The following DNAH14 variants were observed in gnomAD, a reference collection of about 807,000 sequenced individuals.
DNAH14 encodes axonemal beta dynein heavy chain 14.
A neutral mutation model predicts 520.9 loss-of-function variants in DNAH14; 478 were observed. That is an observed-to-expected ratio of 0.92 (90% CI 0.85 to 0.99). DNAH14 has a LOEUF of 0.99. Ranked by LOEUF, DNAH14 falls within the 50% of genes least tolerant of loss-of-function variation. The probability of loss-of-function intolerance (pLI) is 0.00; values close to 1 mark genes in which losing one functional copy is unlikely to be tolerated. For missense variants in DNAH14, 4,831 were observed against 5,234.5 expected (o/e 0.92, Z 2.38); for synonymous variants, 1,581 against 1,757.2 (o/e 0.90, Z 2.51).
In DNAH14 at chr1:225,381,545, CT is replaced by C. The variant is rs867395093; in HGVS notation, c.13047del (p.Asn4351IlefsTer2). On this transcript the variant is annotated frameshift_variant, in exon 81 of 86. Coordinates refer to ENST00000682510, the MANE Select transcript of DNAH14 (RefSeq NM_001367479.1). LOFTEE classifies it high-confidence loss of function. ...CAAGAATTGGAGGAAATATTTAACT[CT>C]TTTCTTAATATGAGAGTGCCTACAT... ...LTQELEEIFN[S>X]FLNMRVPTLW... The C allele has an allele frequency of 2.6e-6, 4 of 1,536,232 alleles. No homozygotes were observed. Among genetic ancestry groups the C allele is most frequent in the Non-Finnish European group, 3.5e-6 (4 of 1,142,790 alleles).
chr1:225,098,550 A>G (rs962892161), intron 22 of DNAH14, among the ~76,000 whole-genome samples: 4 of 152,226 alleles, frequency 2.6e-5, no homozygotes, highest in Admixed American at 1.3e-4. Flanking sequence ...AAGCCGTTAG[A>G]TTACAAAAGG....
chr1:224,977,503 G>A (rs1371766569), intron 8 of DNAH14, among the ~76,000 whole-genome samples: 4 of 152,064 alleles, frequency 2.6e-5, no homozygotes, highest in South Asian at 2.1e-4. Context: ...TAATAAAAAA[G>A]AATGTTCTTA....
Position 225,144,477 on chromosome 1 carries a change from A to G in DNAH14, c.4589A>G (p.Glu1530Gly), listed in dbSNP as rs2079739686. The G allele has an allele frequency of 1.3e-6, 2 of 1,551,682 alleles. No individual in the cohort carries two copies. The highest frequency in any genetic ancestry group is 2.7e-5 in the African/African-American group (2 of 73,166). ...AATGCCAGCTTTACTTATGGCTATG[A>G]GTACTTGGGCTGTACCTCAAGATTG... is the stretch of plus-strand genomic sequence containing the variant. ...QGNASFTYGY[E>G]YLGCTSRLVI... is the part of the protein sequence containing the mutation. Residue 1530 changes from glutamate (E) to glycine (G), a missense_variant, in exon 29 of 86, where the codon GAG becomes GGG. Coordinates refer to ENST00000682510, the MANE Select transcript of DNAH14 (RefSeq NM_001367479.1).
chr1:224,951,654 T>A (rs2125489548), intron 1 of DNAH14, among the ~76,000 whole-genome samples: 1 of 144,864 alleles, frequency 6.9e-6, no homozygotes, highest in African/African-American at 2.6e-5. Flanking sequence ...ATTTTTTTTT[T>A]TTTTTTTTTT....
chr1:225,150,718 G>T (rs2080418340), intron 31 of DNAH14, among the ~76,000 whole-genome samples: 1 of 147,284 alleles, frequency 6.8e-6, no homozygotes, highest in East Asian at 2.0e-4. Context: ...ATGGTTATTT[G>T]TATTTGTTTC....
chr1:225,086,999 C>T (rs1466932119), intron 21 of DNAH14, among the ~76,000 whole-genome samples: 1 of 34,922 alleles, frequency 2.9e-5, no homozygotes. Flanking sequence ...ACCACACACA[C>T]ACACACACAC....
At chr1:225,021,343 G>A (rs1004530549) in intron 10 of DNAH14, among the ~76,000 whole-genome samples, 5 of 152,242 alleles carry the variant, frequency 3.3e-5, no homozygotes, top group African/African-American at 1.2e-4. Context: ...CAGATAGGAA[G>A]AGGTCAAACT....
Position 225,016,256 on chromosome 1 carries a change from C to T in DNAH14, c.1108-7359C>T, listed in dbSNP as rs866133576. 3.6e-4 allele frequency among the ~76,000 whole-genome samples: 55 copies of T among 152,200 alleles called. No homozygotes were observed. The Middle Eastern group carries it at 0.02, about 56-fold the overall frequency. On this transcript the variant is annotated intron_variant, in intron 10 of 85. Transcript: ENST00000682510. The stretch of plus-strand genomic sequence containing the variant: ...AATTTAACTTTTCCTCCTCAGAATT[C>T]CCTCAGTTTTTGCTTATCTGTAAAA...
rs750525365 is a variant in DNAH14 at position 225,307,528 on chromosome 1, G to C, written c.9073G>C (p.Glu3025Gln). 6.5e-7 allele frequency: 1 copy of C among 1,547,238 alleles called. No individual in the cohort carries two copies. The highest frequency in any genetic ancestry group is 2.0e-5 in the Admixed American group (1 of 49,404). Residue 3025 changes from glutamate (E) to glutamine (Q), a missense_variant, in exon 59 of 86, where the codon GAG (glutamate) becomes CAG (glutamine). Transcript: ENST00000682510. Reference protein sequence around the residue: ...ATTLVTEMQEELLILGPQVEQ... With the variant: ...ATTLVTEMQEQLLILGPQVEQ... ...CACTCTAGTTACAGAAATGCAAGAAGAGCTCTTGATTCTTGGCCCTCAAGT... is the reference window on the plus strand; with the variant it reads ...CACTCTAGTTACAGAAATGCAAGAACAGCTCTTGATTCTTGGCCCTCAAGT...
intron 73 of DNAH14, among the ~76,000 whole-genome samples, chr1:225,355,381 G>A (rs2095418766): frequency 6.6e-6 from 1 of 152,050 alleles, no homozygotes; most frequent in Admixed American, 6.6e-5. Flanking sequence ...TCAGCCACCT[G>A]AGTAGCTGAG....
At chr1:225,143,531 T>C (rs751676571) in intron 28 of DNAH14, among the ~76,000 whole-genome samples, 12 of 152,158 alleles carry the variant, frequency 7.9e-5, no homozygotes, top group Non-Finnish European at 1.8e-4. Context: ...CATGATAGCA[T>C]ATGTTGAGAG....
chr1:225,299,550 C>T (rs955878817), intron 55 of DNAH14, among the ~76,000 whole-genome samples: 1 of 152,154 alleles, frequency 6.6e-6, no homozygotes, highest in African/African-American at 2.4e-5. Context: ...GTTGAGGTTT[C>T]TGCCACACAC....
chr1:225,340,630 G>T lies in DNAH14; in HGVS notation c.10607G>T (p.Ser3536Ile). The T allele has an allele frequency of 2.6e-6, 4 of 1,551,398 alleles. No individual in the cohort carries two copies. Among genetic ancestry groups the T allele is most frequent in the South Asian group, 2.4e-5 (2 of 84,048 alleles). The change falls in exon 69 of 86, where the codon AGT becomes ATT. Residue 3536 changes from serine to isoleucine, a missense_variant. Transcript: ENST00000682510. Reference sequence around the variant, plus strand: ...GATCAACGTTCCAAGTTACTGGAGAGTATTTCCCTTGATGCCATAACTCTT... The same window carrying T: ...GATCAACGTTCCAAGTTACTGGAGATTATTTCCCTTGATGCCATAACTCTT... ...LEDQRSKLLESISLDAITLEE... is the reference protein window; with the variant it reads ...LEDQRSKLLEIISLDAITLEE...
chr1:225,144,525 G>A lies in DNAH14; in HGVS notation c.4637G>A (p.Arg1546Gln), dbSNP rs1284726144. The A allele has an allele frequency of 1.0e-5, 16 of 1,551,518 alleles. No individual in the cohort carries two copies. The African/African-American group carries it at 1.6e-4, about 16-fold the overall frequency. ...TTGGTTATTACGCCTCTCACAGACC[G>A]ATGCTGGCTGACTCTCATGGAAGCA... The part of the protein sequence containing the change: ...SRLVITPLTD[R>Q]CWLTLMEALH... The change falls in exon 29 of 86, where the codon CGA (arginine) becomes CAA (glutamine). Residue 1546 changes from arginine (R) to glutamine (Q), a missense_variant. Arg to Gln is a conservative substitution (Grantham distance 43, BLOSUM62 1). Coordinates refer to ENST00000682510, the MANE Select transcript of DNAH14 (RefSeq NM_001367479.1).
intron 25 of DNAH14, 165 bp downstream of exon 25, chr1:225,118,164 C>A (rs1318001540): frequency 1.5e-6 from 1 of 680,946 alleles, no homozygotes; most frequent in Non-Finnish European, 2.7e-6. Flanking sequence ...CCCTACAATA[C>A]ATAATCTCAC....
At chr1:225,089,439 C>T (rs542949654) in intron 21 of DNAH14, among the ~76,000 whole-genome samples, 34 of 40,080 alleles carry the variant, frequency 8.5e-4, no homozygotes, top group African/African-American at 5.0e-3. Context: ...AGCAAAACTC[C>T]GTCAAAAAAA....
intron 55 of DNAH14, among the ~76,000 whole-genome samples, chr1:225,299,913 C>T (rs895946974): frequency 3.9e-5 from 6 of 152,162 alleles, no homozygotes; most frequent in Admixed American, 6.6e-5. Flanking sequence ...CTGCCCTTCC[C>T]CACCTGAACT....
chr1:225,107,488 G>T (rs1036119351), intron 23 of DNAH14, among the ~76,000 whole-genome samples: 17 of 152,148 alleles, frequency 1.1e-4, no homozygotes, highest in Non-Finnish European at 2.2e-4. Context: ...AGGGTTCTTT[G>T]TCCTCATGCC....
At chr1:225,189,675 A>G (rs556021065) in intron 37 of DNAH14, among the ~76,000 whole-genome samples, 10 of 151,836 alleles carry the variant, frequency 6.6e-5, no homozygotes, top group African/African-American at 2.4e-4. Flanking sequence ...TATTTGAACT[A>G]TTGTCTTTGG....
Sources: allele counts gnomAD v4.1 joint callset (sites outside exome capture counted in the v4.1 genomes callset), GRCh38; gene constraint gnomAD v4.1.1; transcripts MANE v1.5; gene names NCBI Gene and HGNC (gene_info 2026-07-23, HGNC 2026-07-21).